CD96: variants seen among roughly 807,000 people sequenced by gnomAD.
The protein encoded by CD96 is T-cell surface protein tactile.
A neutral mutation model predicts 71.3 loss-of-function variants in CD96; 70 were observed. The ratio of observed to expected loss-of-function variants is 0.98; its 90% CI spans 0.81 to 1.20. The LOEUF (loss-of-function observed/expected upper bound fraction) is 1.20. CD96 is among the 50% of genes most tolerant of loss of function. The pLI is 0.00. For synonymous variants in CD96, 248 were observed against 233.0 expected (o/e 1.06, Z -0.59); for missense variants, 742 against 677.5 (o/e 1.10, Z -1.06).
At chr3:111,623,291 G>A (rs1938596075) in intron 8 of CD96, among the ~76,000 whole-genome samples, 1 of 152,078 alleles carries the variant, frequency 6.6e-6, no homozygotes, top group Admixed American at 6.6e-5. Context: ...CAATTATGGA[G>A]TATAAAGATG....
chr3:111,618,992 T>C (rs1220939455), intron 8 of CD96, among the ~76,000 whole-genome samples: 1 of 152,226 alleles, frequency 6.6e-6, no homozygotes, highest in Non-Finnish European at 1.5e-5. Flanking sequence ...TTAAAATCTA[T>C]GTTGTTTGGA....
intron 2 of CD96, among the ~76,000 whole-genome samples, chr3:111,561,002 G>T (rs201506525): frequency 0.017 from 2,009 of 120,296 alleles, no homozygotes; most frequent in African/African-American, 0.022. Flanking sequence ...TGATCACATT[G>T]GCTCCTGAGG....
At chr3:111,546,899 C>CACACACACACAT (rs1934427617) in intron 2 of CD96, among the ~76,000 whole-genome samples, 6 of 136,462 alleles carry the variant, frequency 4.4e-5, no homozygotes, top group Non-Finnish European at 8.0e-5. Context: ...ACACACCACA[C>CACACACACACAT]ACACACACAC....
chr3:111,614,688 G>A (rs1214813155), intron 8 of CD96, among the ~76,000 whole-genome samples: 11 of 152,138 alleles, frequency 7.2e-5, no homozygotes, highest in Non-Finnish European at 1.2e-4. Flanking sequence ...TGGGGGAAGT[G>A]CTCCTCTTCA....
At position 111,567,506 on chromosome 3, in the gene CD96, C is replaced by T. The variant is rs1559724962; in HGVS notation, c.419-17C>T. ...AATCAGAGATTCACATATTTTCTAC[C>T]TTATGTTTTGTTACAGTTACAGCAG... On this transcript the variant is annotated splice_polypyrimidine_tract_variant and intron_variant, in intron 2 of 13. Transcript: ENST00000352690. The T allele has an allele frequency of 6.2e-7, 1 of 1,601,506 alleles. No individual in the cohort carries two copies. Among genetic ancestry groups the T allele is most frequent in the East Asian group, 2.2e-5 (1 of 44,784 alleles).
intron 12 of CD96, among the ~76,000 whole-genome samples, chr3:111,639,363 C>T (rs1431766167): frequency 6.6e-6 from 1 of 152,134 alleles, no homozygotes; most frequent in African/African-American, 2.4e-5. Context: ...CGGCTTTCCC[C>T]CCTCTTTCCT....
rs150446390 is a variant in CD96 at position 111,625,167 on chromosome 3, C to T, written c.1321+763C>T. Among the ~76,000 whole-genome samples the T allele has an allele frequency of 7.5e-3, 1,148 of 152,308 alleles. 16 individuals carry two copies. The highest frequency in any genetic ancestry group is 0.026 in the African/African-American group (1,088 of 41,560). On this transcript the variant is annotated intron_variant, in intron 10 of 13. Transcript: ENST00000352690. The stretch of plus-strand genomic sequence containing the variant: ...TTTAAAAATATTTCATATACTCTTG[C>T]TCCCTCATTCCTGGGAACTTGTCCT...
intron 3 of CD96, chr3:111,577,611 C>A: frequency 9.7e-7 from 1 of 1,026,044 alleles, no homozygotes; most frequent in Non-Finnish European, 1.6e-6. Context: ...GGCAATAACA[C>A]AATACTATCT....
chr3:111,564,053 G>A (rs1337734676), intron 2 of CD96, among the ~76,000 whole-genome samples: 5 of 152,124 alleles, frequency 3.3e-5, no homozygotes, highest in African/African-American at 1.2e-4. Context: ...ATAACAATCA[G>A]ATTTTCTTTC....
intron 5 of CD96, 63 bp downstream of exon 5, chr3:111,585,441 A>G: frequency 9.5e-7 from 1 of 1,056,820 alleles, no homozygotes; most frequent in Non-Finnish European, 1.5e-6. Flanking sequence ...CAGGTTGCAT[A>G]GTTGCCAGGA....
In CD96 at chr3:111,593,927, T is replaced by G. The variant is rs752627605; in HGVS notation, c.808-4193T>G. 1.2e-6 allele frequency: 2 copies of G among 1,613,760 alleles called. No homozygotes were observed. Among genetic ancestry groups the G allele is most frequent in the Non-Finnish European group, 1.7e-6 (2 of 1,180,046 alleles). On this transcript the variant is annotated intron_variant, in intron 5 of 13. Coordinates refer to ENST00000352690, the MANE Select transcript of CD96 (RefSeq NM_005816.5). ...CTTCCACAGTGCAGTGGTGCCCACGTTGACCCCAGGGCCACGGCTCACCTG... is the reference window on the plus strand; with the variant it reads ...CTTCCACAGTGCAGTGGTGCCCACGGTGACCCCAGGGCCACGGCTCACCTG...
intron 10 of CD96, among the ~76,000 whole-genome samples, chr3:111,629,394 AC>A (rs1233175731): frequency 1.3e-5 from 2 of 152,180 alleles, no homozygotes; most frequent in Non-Finnish European, 2.9e-5. Context: ...CTTTAAACCA[AC>A]AAAGATAAAA....
chr3:111,558,840 A>G (rs1171283209), intron 2 of CD96, among the ~76,000 whole-genome samples: 1 of 147,150 alleles, frequency 6.8e-6, no homozygotes, highest in Non-Finnish European at 1.5e-5. Flanking sequence ...CTGGTCCTGG[A>G]CTCTTTTTGG....
At chr3:111,544,641 G>A (rs1388297731) in intron 1 of CD96, among the ~76,000 whole-genome samples, 1 of 152,136 alleles carries the variant, frequency 6.6e-6, no homozygotes, top group Non-Finnish European at 1.5e-5. Context: ...AAAGCATCAC[G>A]TGTGTATTAT....
At position 111,545,070 on chromosome 3, in the gene CD96, C is replaced by G. The variant is rs1004724022; in HGVS notation, c.86C>G (p.Thr29Arg). The change falls in exon 2 of 14, where the codon ACA (threonine) becomes AGA (arginine). Residue 29 changes from threonine to arginine, a missense_variant. Transcript: ENST00000352690. ...VKGVWEKTVN[T>R]EENVYATLGS... ...GGAGTTTGGGAAAAAACAGTCAACA[C>G]AGAAGAAAATGTTTATGCTACACTT... 10 of 1,613,980 alleles carry G rather than the reference C, an allele frequency of 6.2e-6. No homozygotes were observed. The highest frequency in any genetic ancestry group is 5.0e-5 in the Admixed American group (3 of 60,010).
intron 12 of CD96, among the ~76,000 whole-genome samples, chr3:111,641,808 C>G (rs779740270): frequency 1.3e-5 from 2 of 152,126 alleles, no homozygotes; most frequent in Non-Finnish European, 2.9e-5. Context: ...TCTCTCAGAC[C>G]ACAGTGAAAT....
intron 8 of CD96, among the ~76,000 whole-genome samples, chr3:111,611,394 T>C (rs1937927120): frequency 1.3e-5 from 2 of 152,158 alleles, no homozygotes; most frequent in Non-Finnish European, 2.9e-5. Context: ...CCAGAAGACA[T>C]GTCATTAGAT....
rs990932111 is a variant in CD96, at chr3:111,566,002, G to A, written c.419-1521G>A. ...GAAATATGCCATTAAAATGTATACT[G>A]TTATATAGCATATATTTATATATAT... On this transcript the variant is annotated intron_variant, in intron 2 of 13. Transcript: ENST00000352690. Among the ~76,000 whole-genome samples the A allele has an allele frequency of 6.0e-5, 9 of 149,240 alleles. No homozygotes were observed. In the South Asian group the frequency reaches 1.9e-3, roughly 31 times the overall value.
In CD96 at chr3:111,570,946, T is replaced by G. The variant is rs721335; in HGVS notation, c.543+3299T>G. On this transcript the variant is annotated intron_variant, in intron 3 of 13. Coordinates refer to ENST00000352690, the MANE Select transcript of CD96 (RefSeq NM_005816.5). Reference sequence around the variant, plus strand: ...GCGCCAGCGTCAAAGTAGGGGGTCTTGAGTGGGCTGTGCTCTGAGGCCACC... The same window carrying G: ...GCGCCAGCGTCAAAGTAGGGGGTCTGGAGTGGGCTGTGCTCTGAGGCCACC... 3 of 1,558,820 alleles carry G rather than the reference T, an allele frequency of 1.9e-6. No homozygotes were observed. The African/African-American group carries it at 4.1e-5, about 21-fold the overall frequency.
Sources: allele counts gnomAD v4.1 joint callset (sites outside exome capture counted in the v4.1 genomes callset), GRCh38; gene constraint gnomAD v4.1.1; transcripts MANE v1.5; gene names NCBI Gene and HGNC (gene_info 2026-07-23, HGNC 2026-07-21).